The following C2orf78 variants were observed in gnomAD, a reference collection of about 807,000 sequenced individuals.
The protein encoded by C2orf78 is uncharacterized protein C2orf78.
A neutral mutation model predicts 21.4 loss-of-function variants in C2orf78; 12 were observed. That is an observed-to-expected ratio of 0.56 (90% CI 0.36 to 0.91). The LOEUF is 0.91. Ranked by LOEUF, C2orf78 falls within the 40% of genes least tolerant of loss-of-function variation. The probability of loss-of-function intolerance (pLI) is 0.01; values close to 1 mark genes in which losing one functional copy is unlikely to be tolerated. For missense variants in C2orf78, 1,042 were observed against 1,092.4 expected, an observed-to-expected ratio of 0.95 and a Z score of 0.65; for synonymous variants, 396 against 413.9, an observed-to-expected ratio of 0.96 and a Z score of 0.52.
In C2orf78 at chr2:73,784,419, A is replaced by G; in HGVS notation, c.97+13A>G. 1 of 869,536 alleles carries G rather than the reference A, an allele frequency of 1.2e-6. No homozygotes were observed. 53.9% of individuals were successfully genotyped at this position (869,536 alleles called of 1,614,324 possible). A position where few individuals can be genotyped will look rare whatever the true frequency, so the allele number is the denominator to read the frequency against. On this transcript the variant is annotated intron_variant, in intron 1 of 2. Coordinates refer to ENST00000409561, the Ensembl canonical transcript of C2orf78. ...CTGACCATGTCAGGTAAAGAGAGAA[A>G]CTTTTTAAAAAGGTTTTCATGAGAT...
intron 1 of C2orf78, among the ~76,000 whole-genome samples, chr2:73,786,365 C>T (rs1346790203): frequency 1.0e-4 from 15 of 148,912 alleles, no homozygotes; most frequent in African/African-American, 3.0e-4. Flanking sequence ...GGCGACAGAG[C>T]GAGACTCCAT....
Position 73,816,630 on chromosome 2 carries a change from ACT to A in C2orf78, c.2408_2409del (p.Thr803SerfsTer8). On this transcript the variant is annotated frameshift_variant, in exon 3 of 3. Coordinates refer to ENST00000409561, the Ensembl canonical transcript of C2orf78. LOFTEE classifies it low-confidence loss of function (END_TRUNC). ...CAGTTCAGCCAACCCTACCCAGCCT[ACT>A]GTCCCTCAATCTGCTGCTTCTAGGC... The A allele has an allele frequency of 6.2e-7, 1 of 1,613,486 alleles. No individual in the cohort carries two copies. Among genetic ancestry groups the A allele is most frequent in the Non-Finnish European group, 8.5e-7 (1 of 1,179,654 alleles).
rs1014921563 is a variant in C2orf78, at chr2:73,807,341, G to A, written c.98-6136G>A. Reference sequence around the variant, plus strand: ...AATGCTTCAACTCTTCATTTTGCCTGGCCCTTGCACCCAAGCATGGCTGAC... The same window carrying A: ...AATGCTTCAACTCTTCATTTTGCCTAGCCCTTGCACCCAAGCATGGCTGAC... On this transcript the variant is annotated intron_variant, in intron 1 of 2. Coordinates refer to ENST00000409561, the Ensembl canonical transcript of C2orf78. 1.2e-3 allele frequency among the ~76,000 whole-genome samples: 44 copies of A among 38,044 alleles called. 1 individual carries two copies. The South Asian group carries it at 0.037, about 32-fold the overall frequency. 25.0% of individuals were successfully genotyped at this position (38,044 alleles called of 152,430 possible).
exon 3 of C2orf78, chr2:73,816,955 A>G (rs1394304783): frequency 6.2e-7 from 1 of 1,611,088 alleles, no homozygotes; most frequent in Admixed American, 1.7e-5. Flanking sequence ...AGGGAAAGAG[A>G]TATGGAAATT....
At chr2:73,792,415 G>A (rs1672944010) in intron 1 of C2orf78, among the ~76,000 whole-genome samples, 1 of 134,334 alleles carries the variant, frequency 7.4e-6, no homozygotes, top group Non-Finnish European at 1.6e-5. Context: ...GAACCTGGGA[G>A]GCAGAGCTTG....
At chr2:73,816,441 C>T (rs755633850) in exon 3 of C2orf78, 21 of 1,613,936 alleles carry the variant, frequency 1.3e-5, no homozygotes, top group Admixed American at 6.7e-5. Context: ...GCGGCCAAAC[C>T]CTCTAGCCTC....
exon 3 of C2orf78, chr2:73,816,591 A>G: frequency 1.9e-6 from 3 of 1,613,130 alleles, no homozygotes; most frequent in Non-Finnish European, 2.5e-6. Flanking sequence ...AATTTCAGCC[A>G]AAGCAACCCA....
chr2:73,810,567 T>G (rs1360542101), intron 1 of C2orf78, among the ~76,000 whole-genome samples: 1 of 141,368 alleles, frequency 7.1e-6, no homozygotes, highest in Non-Finnish European at 1.5e-5. Flanking sequence ...AAAATATATA[T>G]GTATATTTTA....
exon 3 of C2orf78, chr2:73,816,921 G>T: frequency 6.2e-7 from 1 of 1,612,982 alleles, no homozygotes. Context: ...CACCTCTTTG[G>T]GGAAAGTGCA....
chr2:73,786,132 C>A (rs779133178), intron 1 of C2orf78, among the ~76,000 whole-genome samples: 1 of 152,132 alleles, frequency 6.6e-6, no homozygotes, highest in Non-Finnish European at 1.5e-5. Flanking sequence ...GTAATCACAG[C>A]ACTTTGCAAG....
chr2:73,813,165 A>G (rs1298162495), intron 1 of C2orf78, among the ~76,000 whole-genome samples: 1 of 152,216 alleles, frequency 6.6e-6, no homozygotes, highest in African/African-American at 2.4e-5. Flanking sequence ...TTATGAGTCT[A>G]TACTAGCCCA....
intron 2 of C2orf78, among the ~76,000 whole-genome samples, chr2:73,814,729 T>G (rs1673158984): frequency 6.6e-6 from 1 of 152,332 alleles, no homozygotes; most frequent in Non-Finnish European, 1.5e-5. Context: ...TAGTCCATGG[T>G]GTAAACTGTT....
intron 1 of C2orf78, among the ~76,000 whole-genome samples, chr2:73,810,802 A>C (rs1673071993): frequency 1.3e-5 from 1 of 78,096 alleles, no homozygotes; most frequent in Admixed American, 1.5e-4. Flanking sequence ...TTATATATAT[A>C]ATATACATGT....
At chr2:73,786,387 C>A (rs1161003752) in intron 1 of C2orf78, among the ~76,000 whole-genome samples, 1 of 145,562 alleles carries the variant, frequency 6.9e-6, no homozygotes, top group Non-Finnish European at 1.5e-5. Context: ...TAAAAACAAA[C>A]AAACAAATAA....
exon 3 of C2orf78, chr2:73,815,715 C>A: frequency 6.2e-7 from 1 of 1,613,672 alleles, no homozygotes; most frequent in South Asian, 1.1e-5. Flanking sequence ...TCACTCTGAT[C>A]AAGTCAGGAA....
At position 73,809,532 on chromosome 2, in the gene C2orf78, G is replaced by A. The variant is rs369700665; in HGVS notation, c.98-3945G>A. 4.1e-4 allele frequency among the ~76,000 whole-genome samples: 62 copies of A among 152,010 alleles called. 1 individual carries two copies. Among genetic ancestry groups the A allele is most frequent in the East Asian group, 2.3e-3 (12 of 5,186 alleles). On this transcript the variant is annotated intron_variant, in intron 1 of 2. Coordinates refer to ENST00000409561, the Ensembl canonical transcript of C2orf78. The stretch of plus-strand genomic sequence containing the variant: ...GGGCGTGGTAGCTCATGCCTGCAAT[G>A]TCAATGCTTTGGGAGCCTGAGGTGG...
At chr2:73,816,542 C>T (rs1423561809) in exon 3 of C2orf78, 1 of 1,613,748 alleles carries the variant, frequency 6.2e-7, no homozygotes, top group Non-Finnish European at 8.5e-7. Flanking sequence ...CAGCTCCTAC[C>T]AACACATCTT....
At chr2:73,813,944 A>T (rs1305498445) in exon 2 of C2orf78, 2 of 1,613,880 alleles carry the variant, frequency 1.2e-6, no homozygotes, top group African/African-American at 2.7e-5. Context: ...TGTTCAGGGG[A>T]CACTAACTCA....
At chr2:73,813,429 A>C (rs1392874154) in intron 1 of C2orf78, 48 bp from the exon 2 acceptor site, 1 of 1,494,064 alleles carries the variant, frequency 6.7e-7, no homozygotes, top group East Asian at 2.3e-5. Flanking sequence ...ATAAGGTGAG[A>C]ATTTTTCACT....
Sources: allele counts gnomAD v4.1 joint callset (sites outside exome capture counted in the v4.1 genomes callset), GRCh38; gene constraint gnomAD v4.1.1; transcripts MANE v1.5; gene names NCBI Gene and HGNC (gene_info 2026-07-23, HGNC 2026-07-21).